The following OPCML variants were observed in gnomAD, a reference collection of about 807,000 sequenced individuals.
OPCML encodes opioid binding protein/cell adhesion molecule like, also known as opioid-binding protein/cell adhesion molecule.
Under a neutral mutation model 37.8 loss-of-function variants are expected in OPCML, and 13 were observed. That is an observed-to-expected ratio of 0.34 (90% CI 0.22 to 0.55). The LOEUF (loss-of-function observed/expected upper bound fraction) is 0.55, where lower values mean the gene tolerates loss of function less well. OPCML is among the 20% of genes least tolerant of loss of function. OPCML has a pLI of 0.91. For missense variants in OPCML, 341 were observed against 435.6 expected (o/e 0.78, Z 1.93); for synonymous variants, 176 against 168.8 (o/e 1.04, Z -0.33).
intron 2 of OPCML, among the ~76,000 whole-genome samples, chr11:132,748,415 C>A (rs149743582): frequency 6.6e-6 from 1 of 152,162 alleles, no homozygotes; most frequent in African/African-American, 2.4e-5. Flanking sequence ...CAAAAGAGTG[C>A]CCAGCATCAT....
intron 2 of OPCML, among the ~76,000 whole-genome samples, chr11:132,798,916 A>G (rs1938484958): frequency 6.6e-6 from 1 of 152,220 alleles, no homozygotes; most frequent in Non-Finnish European, 1.5e-5. Context: ...CTGAGTAGCA[A>G]GTCTCAACTG....
At chr11:133,169,310 G>T (rs1477180923) in intron 1 of OPCML, among the ~76,000 whole-genome samples, 1 of 152,024 alleles carries the variant, frequency 6.6e-6, no homozygotes, top group Non-Finnish European at 1.5e-5. Context: ...TAACTATTTT[G>T]TCATATTAGC....
At chr11:133,006,333 C>T (rs951269858) in intron 1 of OPCML, 2 of 648,256 alleles carry the variant, frequency 3.1e-6, no homozygotes, top group African/African-American at 4.0e-5. Flanking sequence ...CCCAATAAAA[C>T]CCTATCTTAC....
chr11:132,803,226 C>A (rs1337572590), intron 2 of OPCML, among the ~76,000 whole-genome samples: 2 of 152,184 alleles, frequency 1.3e-5, no homozygotes, highest in African/African-American at 4.8e-5. Flanking sequence ...ATGCTCAATA[C>A]TACTATTAAA....
At chr11:133,343,002 C>A (rs1450119257) in intron 1 of OPCML, among the ~76,000 whole-genome samples, 1 of 152,174 alleles carries the variant, frequency 6.6e-6, no homozygotes, top group African/African-American at 2.4e-5. Context: ...CATCTCCCTA[C>A]ATTTTTTAAA....
At chr11:132,851,953 G>A (rs985758879) in intron 2 of OPCML, among the ~76,000 whole-genome samples, 3 of 152,182 alleles carry the variant, frequency 2.0e-5, no homozygotes, top group African/African-American at 7.2e-5. Flanking sequence ...ATTATTTTAA[G>A]CTAAAAGCAT....
chr11:132,900,136 C>A (rs931757604), intron 2 of OPCML, among the ~76,000 whole-genome samples: 4 of 152,140 alleles, frequency 2.6e-5, no homozygotes, highest in African/African-American at 9.7e-5. Flanking sequence ...TTTTTATCAG[C>A]TCTTAACTGC....
At chr11:132,768,842 A>G (rs1197703019) in intron 2 of OPCML, among the ~76,000 whole-genome samples, 3 of 152,166 alleles carry the variant, frequency 2.0e-5, no homozygotes, top group Non-Finnish European at 4.4e-5. Flanking sequence ...CCCCTCGCCA[A>G]GCCCACAGGT....
intron 1 of OPCML, among the ~76,000 whole-genome samples, chr11:133,417,243 T>C (rs940203344): frequency 3.3e-5 from 5 of 152,194 alleles, no homozygotes; most frequent in African/African-American, 1.2e-4. Context: ...CCCTGATTCA[T>C]AGAAGTGCAG....
intron 4 of OPCML, among the ~76,000 whole-genome samples, chr11:132,452,494 C>T (rs893355526): frequency 7.0e-6 from 1 of 142,794 alleles, no homozygotes; most frequent in Non-Finnish European, 1.5e-5. Flanking sequence ...CCCTCCCTTC[C>T]TCACTTCCTT....
intron 4 of OPCML, among the ~76,000 whole-genome samples, chr11:132,482,166 C>G (rs1393144493): frequency 6.7e-6 from 1 of 150,032 alleles, no homozygotes; most frequent in Non-Finnish European, 1.5e-5. Flanking sequence ...AATTGATAGA[C>G]TGCTAGCAAG....
At chr11:132,733,413 CA>C (rs1056648670) in intron 2 of OPCML, among the ~76,000 whole-genome samples, 7 of 152,058 alleles carry the variant, frequency 4.6e-5, no homozygotes, top group African/African-American at 7.2e-5. Flanking sequence ...TATTTAGAAA[CA>C]GGGGGAAATA....
intron 7 of OPCML, among the ~76,000 whole-genome samples, chr11:132,422,834 G>A (rs1011670742): frequency 6.6e-6 from 1 of 152,206 alleles, no homozygotes; most frequent in Non-Finnish European, 1.5e-5. Context: ...ATGACCATTT[G>A]TGCAGGTTTT....
chr11:133,159,671 C>G (rs1359098396), intron 1 of OPCML, among the ~76,000 whole-genome samples: 1 of 152,160 alleles, frequency 6.6e-6, no homozygotes, highest in East Asian at 1.9e-4. Context: ...CAAACATTGT[C>G]GTAGTCTCCT....
At chr11:132,581,756 C>T (rs962805165) in intron 3 of OPCML, among the ~76,000 whole-genome samples, 1 of 152,072 alleles carries the variant, frequency 6.6e-6, no homozygotes, top group African/African-American at 2.4e-5. Flanking sequence ...GAGGCAATGT[C>T]TGCTGGGAGA....
rs146035581 is a variant in OPCML, at chr11:132,501,310, C to T, written c.505+27751G>A. Among the ~76,000 whole-genome samples the T allele has an allele frequency of 2.6e-4, 39 of 152,270 alleles. 1 individual carries two copies. In the South Asian group the frequency reaches 2.9e-3, roughly 11 times the overall value. On this transcript the variant is annotated intron_variant, in intron 4 of 7. Coordinates refer to ENST00000524381, the MANE Select transcript of OPCML (RefSeq NM_001012393.5). The stretch of plus-strand genomic sequence containing the variant: ...AAAACCTAGGCAATACCATTCAGGA[C>T]GTAGGCATGAGCAAAGGTTTCATAA...
At chr11:133,089,536 G>A (rs1471928195) in intron 1 of OPCML, among the ~76,000 whole-genome samples, 2 of 152,154 alleles carry the variant, frequency 1.3e-5, no homozygotes, top group African/African-American at 2.4e-5. Context: ...CTGTGCTAAA[G>A]GCAAAACAAA....
At chr11:132,801,894 C>G (rs570074730) in intron 2 of OPCML, among the ~76,000 whole-genome samples, 1 of 152,142 alleles carries the variant, frequency 6.6e-6, no homozygotes, top group Admixed American at 6.5e-5. Flanking sequence ...ATCAAATTTT[C>G]GACTTTGAAC....
intron 2 of OPCML, among the ~76,000 whole-genome samples, chr11:132,802,157 T>C (rs1226383254): frequency 6.6e-6 from 1 of 152,190 alleles, no homozygotes. Context: ...ATAAGTTCTC[T>C]TCTTTGCACC....
Sources: gnomAD v4.1 joint callset for allele counts (sites outside exome capture counted in the v4.1 genomes callset) on GRCh38, gnomAD v4.1.1 for gene constraint, MANE v1.5 for transcripts, NCBI Gene and HGNC (gene_info 2026-07-23, HGNC 2026-07-21) for gene names.